TNRC6A: variants seen among roughly 807,000 people sequenced by gnomAD.
The protein encoded by TNRC6A is trinucleotide repeat containing adaptor 6A, also known as trinucleotide repeat-containing gene 6A protein.
Under a neutral mutation model 221.2 loss-of-function variants are expected in TNRC6A, and 44 were observed. That is an observed-to-expected ratio of 0.20 (90% CI 0.16 to 0.26). The LOEUF is 0.26. TNRC6A is among the 10% of genes least tolerant of loss of function. The pLI is 1.00. For missense variants in TNRC6A, 2,199 were observed against 2,404.4 expected (o/e 0.91, Z 1.79); for synonymous variants, 847 against 838.5 (o/e 1.01, Z -0.18).
chr16:24,803,248 G>A (rs930549168), intron 11 of TNRC6A, among the ~76,000 whole-genome samples: 58 of 151,134 alleles, frequency 3.8e-4, no homozygotes, highest in African/African-American at 1.3e-3. Flanking sequence ...GGGAAACCCT[G>A]TCTCTACTGA....
Position 24,805,062 on chromosome 16 carries a change from C to T in TNRC6A, c.4033C>T (p.Arg1345Trp), listed in dbSNP as rs748539198. ...FGVGNTAAQP[R>W]GMQQPPAQPL... ...TGTTGGAAACACAGCAGCACAACCC[C>T]GGGGCATGCAGCAGCCTCCAGCACA... Residue 1345 changes from arginine to tryptophan, a missense_variant, in exon 14 of 25, where the codon CGG becomes TGG. This residue lies in a region of TNRC6A where 449 missense variants were observed against 579.7 expected (regional missense o/e 0.77). Coordinates refer to ENST00000395799, the MANE Select transcript of TNRC6A (RefSeq NM_014494.4). The T allele has an allele frequency of 1.4e-5, 22 of 1,614,050 alleles. No individual in the cohort carries two copies. The highest frequency in any genetic ancestry group is 1.8e-5 in the Non-Finnish European group (21 of 1,180,038).
At chr16:24,652,325 G>A (rs578152474) in intron 2 of TNRC6A, among the ~76,000 whole-genome samples, 1 of 152,288 alleles carries the variant, frequency 6.6e-6, no homozygotes, top group South Asian at 2.1e-4. Flanking sequence ...TTATCCCATG[G>A]CGTAATATTT....
intron 1 of TNRC6A, chr16:24,640,770 G>A (rs1901909978): frequency 6.6e-6 from 1 of 152,090 alleles, no homozygotes; most frequent in African/African-American, 2.4e-5. Flanking sequence ...GTGCCCAGGA[G>A]TTGCACATGG....
At chr16:24,700,132 C>T (rs116763915) in intron 2 of TNRC6A, among the ~76,000 whole-genome samples, 1,903 of 152,190 alleles carry the variant, frequency 0.013, 49 homozygotes, top group African/African-American at 0.043. Context: ...AGGTGGCTCA[C>T]ACCTGTAATT....
intron 15 of TNRC6A, 119 bp downstream of exon 15, chr16:24,805,852 T>C: frequency 1.1e-5 from 15 of 1,308,894 alleles, no homozygotes; most frequent in Middle Eastern, 2.0e-4. Context: ...ATAGTCCTCA[T>C]GGAGCTTACA....
At chr16:24,635,160 T>C (rs1229789171) in intron 1 of TNRC6A, among the ~76,000 whole-genome samples, 1 of 151,248 alleles carries the variant, frequency 6.6e-6, no homozygotes, top group Non-Finnish European at 1.5e-5. Flanking sequence ...CTTCTTTCCT[T>C]CCTTCCTTCC....
Position 24,729,716 on chromosome 16 carries a change from G to GGCAGCGGCGGCA in TNRC6A, c.-119_-118insCGGCAGCAGCGG. ...CGGCGGCGGCGGCGGCGGCGGCGGC[G>GGCAGCGGCGGCA]GCAGCGGGTCGGTGTAGAAAATGGC... On this transcript the variant is annotated 5_prime_UTR_variant, in exon 1 of 25. Coordinates refer to ENST00000395799, the MANE Select transcript of TNRC6A (RefSeq NM_014494.4). The GGCAGCGGCGGCA allele has an allele frequency of 9.6e-7, 1 of 1,044,228 alleles. No homozygotes were observed. Among genetic ancestry groups the GGCAGCGGCGGCA allele is most frequent in the Admixed American group, 4.4e-5 (1 of 22,710 alleles). 64.7% of individuals were successfully genotyped at this position (1,044,228 alleles called of 1,614,324 possible).
At chr16:24,688,866 T>G (rs770478823) in intron 2 of TNRC6A, among the ~76,000 whole-genome samples, 29 of 152,218 alleles carry the variant, frequency 1.9e-4, no homozygotes, top group Non-Finnish European at 3.7e-4. Flanking sequence ...ACAATGAATT[T>G]CCACATTGGT....
intron 2 of TNRC6A, among the ~76,000 whole-genome samples, chr16:24,651,931 TC>T (rs1902690041): frequency 7.2e-6 from 1 of 139,660 alleles, no homozygotes; most frequent in African/African-American, 3.0e-5. Flanking sequence ...AGACCCCCTC[TC>T]TAAAAAAAAA....
chr16:24,708,136 A>G (rs1301033032), intron 2 of TNRC6A, among the ~76,000 whole-genome samples: 1 of 151,932 alleles, frequency 6.6e-6, no homozygotes, highest in Non-Finnish European at 1.5e-5. Flanking sequence ...GTGAGGATGA[A>G]AACTGACATG....
intron 15 of TNRC6A, 142 bp from the exon 16 acceptor site, chr16:24,806,064 G>A (rs2058425420): frequency 1.1e-6 from 1 of 873,212 alleles, no homozygotes; most frequent in Non-Finnish European, 1.7e-6. Flanking sequence ...GTCCAAGGAA[G>A]AGATGGTACT....
upstream of TNRC6A, chr16:24,729,630 G>A: frequency 2.2e-6 from 1 of 461,512 alleles, no homozygotes; most frequent in Non-Finnish European, 3.5e-6. Flanking sequence ...CCCCCGGAAG[G>A]GGTTGCCGAG....
chr16:24,751,635 C>G (rs1036337101), intron 3 of TNRC6A, among the ~76,000 whole-genome samples: 3 of 152,120 alleles, frequency 2.0e-5, no homozygotes, highest in East Asian at 1.9e-4. Flanking sequence ...CTCTAAAAAC[C>G]TAGTGAAATT....
intron 1 of TNRC6A, among the ~76,000 whole-genome samples, chr16:24,614,054 G>A (rs1900214784): frequency 6.6e-6 from 1 of 152,196 alleles, no homozygotes; most frequent in Non-Finnish European, 1.5e-5. Flanking sequence ...GGCCAGTATA[G>A]ATAGTCTGCT....
intron 9 of TNRC6A, 103 bp downstream of exon 9, chr16:24,796,042 G>A: frequency 7.6e-7 from 1 of 1,319,470 alleles, no homozygotes; most frequent in South Asian, 1.2e-5. Context: ...CAGGTACTGT[G>A]CTTGGTGCTG....
intron 2 of TNRC6A, chr16:24,670,905 G>A (rs767150750): frequency 8.0e-5 from 21 of 261,034 alleles, no homozygotes; most frequent in East Asian, 1.5e-4. Context: ...CCCCACTCCC[G>A]CCAGCCCCCA....
At chr16:24,762,979 G>T (rs894641601) in intron 4 of TNRC6A, among the ~76,000 whole-genome samples, 2 of 152,038 alleles carry the variant, frequency 1.3e-5, no homozygotes, top group Admixed American at 6.6e-5. Context: ...GATTAAGCGT[G>T]TAGATTTTTT....
intron 1 of TNRC6A, among the ~76,000 whole-genome samples, chr16:24,622,228 T>G (rs1900711197): frequency 1.3e-5 from 2 of 151,946 alleles, no homozygotes; most frequent in African/African-American, 4.8e-5. Flanking sequence ...AAGACCAACA[T>G]AGCAAGACTC....
chr16:24,817,103 T>C (rs796100743), intron 20 of TNRC6A, 147 bp downstream of exon 20: 1 of 679,774 alleles, frequency 1.5e-6, no homozygotes, highest in Non-Finnish European at 2.3e-6. Context: ...CTGGGCAACA[T>C]AGTTGTGGGA....
Sources: allele counts gnomAD v4.1 joint callset (sites outside exome capture counted in the v4.1 genomes callset), GRCh38; gene constraint gnomAD v4.1.1; regional missense constraint gnomAD v4.1.1; transcripts MANE v1.5; gene names NCBI Gene and HGNC (gene_info 2026-07-23, HGNC 2026-07-21).